Variants in DTWD2 observed in about 807,000 individuals in gnomAD.
DTWD2 encodes DTW motif tRNA-uridine aminocarboxypropyltransferase 2.
DTWD2 carries 39 observed loss-of-function variants against 31.8 expected under a neutral mutation model. That is an observed-to-expected ratio of 1.22 (90% CI 0.95 to 1.60). The LOEUF (loss-of-function observed/expected upper bound fraction) is 1.60, where lower values mean the gene tolerates loss of function less well. Ranked by LOEUF, DTWD2 falls within the 40% of genes most tolerant of loss-of-function variation. DTWD2 has a pLI of 0.00. For synonymous variants in DTWD2, 180 were observed against 142.8 expected (o/e 1.26, Z -1.86); for missense variants, 515 against 381.5 (o/e 1.35, Z -2.92).
chr5:118,984,948 G>A (rs956716867), intron 1 of DTWD2, among the ~76,000 whole-genome samples: 1 of 152,112 alleles, frequency 6.6e-6, no homozygotes, highest in African/African-American at 2.4e-5. Context: ...AAATAAAAAA[G>A]TATAAATTAT....
chr5:118,949,714 T>C (rs963297773), intron 1 of DTWD2, among the ~76,000 whole-genome samples: 1 of 151,984 alleles, frequency 6.6e-6, no homozygotes, highest in Admixed American at 6.6e-5. Context: ...AAGGTAGGAA[T>C]AGAGGTGTCT....
intron 4 of DTWD2, among the ~76,000 whole-genome samples, chr5:118,903,148 A>C (rs1001835336): frequency 6.3e-5 from 6 of 95,234 alleles, no homozygotes; most frequent in African/African-American, 2.7e-4. Flanking sequence ...TAAAATGGTA[A>C]AAAAAAAAAA....
At chr5:118,974,154 A>C in intron 1 of DTWD2, 1 of 1,539,406 alleles carries the variant, frequency 6.5e-7, no homozygotes, top group Admixed American at 1.9e-5. Context: ...TTAAACTAAA[A>C]AAAAAGGCCG....
intron 4 of DTWD2, among the ~76,000 whole-genome samples, chr5:118,911,662 C>T (rs972784005): frequency 6.6e-6 from 1 of 152,132 alleles, no homozygotes; most frequent in Non-Finnish European, 1.5e-5. Flanking sequence ...TATATATATA[C>T]ATGCACACAC....
chr5:118,880,798 T>A (rs1752724046), intron 4 of DTWD2, among the ~76,000 whole-genome samples: 1 of 152,188 alleles, frequency 6.6e-6, no homozygotes, highest in Non-Finnish European at 1.5e-5. Flanking sequence ...ACGGCTAAAC[T>A]TATACATGAA....
chr5:118,958,181 G>A lies in DTWD2; in HGVS notation c.219-13532C>T, dbSNP rs186835971. Among the ~76,000 whole-genome samples the A allele has an allele frequency of 3.3e-3, 499 of 152,128 alleles. 3 individuals are homozygous for A. The highest frequency in any genetic ancestry group is 0.012 in the African/African-American group (482 of 41,492). On this transcript the variant is annotated intron_variant, in intron 1 of 5. Transcript: ENST00000510708. Reference sequence around the variant, plus strand: ...TCAGACAGACCACTGGCGGCCAGGCGCGGTGGCTCACACCTGTAGTCCCAG... The same window carrying A: ...TCAGACAGACCACTGGCGGCCAGGCACGGTGGCTCACACCTGTAGTCCCAG...
chr5:118,968,713 G>A (rs1193751164), intron 1 of DTWD2, among the ~76,000 whole-genome samples: 1 of 152,234 alleles, frequency 6.6e-6, no homozygotes, highest in Non-Finnish European at 1.5e-5. Context: ...GCTCTGGTAT[G>A]CACAGAGACC....
intron 4 of DTWD2, among the ~76,000 whole-genome samples, chr5:118,905,394 G>C (rs546092503): frequency 6.6e-6 from 1 of 152,202 alleles, no homozygotes; most frequent in African/African-American, 2.4e-5. Context: ...GCTGCAGAGC[G>C]TATAACATTC....
At chr5:118,965,223 G>A (rs995889668) in intron 1 of DTWD2, among the ~76,000 whole-genome samples, 63 of 151,962 alleles carry the variant, frequency 4.1e-4, no homozygotes, top group African/African-American at 1.5e-3. Context: ...CATCTGGGAA[G>A]TGAGGAGCAT....
intron 1 of DTWD2, among the ~76,000 whole-genome samples, chr5:118,978,745 C>T (rs1274192337): frequency 6.6e-6 from 1 of 152,116 alleles, no homozygotes; most frequent in East Asian, 1.9e-4. Context: ...GTGGCTCACA[C>T]CTGTAATCCC....
chr5:118,853,073 G>A (rs1243853418), intron 4 of DTWD2, among the ~76,000 whole-genome samples: 1 of 152,150 alleles, frequency 6.6e-6, no homozygotes, highest in African/African-American at 2.4e-5. Flanking sequence ...AGAGGAGAGA[G>A]GAAGTGGGGC....
At chr5:118,916,620 G>A (rs941042975) in intron 4 of DTWD2, among the ~76,000 whole-genome samples, 11 of 147,304 alleles carry the variant, frequency 7.5e-5, no homozygotes, top group Non-Finnish European at 1.3e-4. Context: ...AGTGGCAATC[G>A]CACCATTGCA....
rs536407832 is a variant in DTWD2 at position 118,902,236 on chromosome 5, C to T, written c.597+26301G>A. Among the ~76,000 whole-genome samples, 3 of 151,422 alleles carry T rather than the reference C, an allele frequency of 2.0e-5. No homozygotes were observed. The East Asian group carries it at 5.8e-4, about 29-fold the overall frequency. ...AATATCAATTATCAAATGTTCAAAGCCAAAAAGAAAAAAATAAGTCCTTTC... is the reference window on the plus strand; with the variant it reads ...AATATCAATTATCAAATGTTCAAAGTCAAAAAGAAAAAAATAAGTCCTTTC... On this transcript the variant is annotated intron_variant, in intron 4 of 5. Transcript: ENST00000510708.
chr5:118,980,664 G>C (rs752013131), intron 1 of DTWD2, among the ~76,000 whole-genome samples: 89 of 152,252 alleles, frequency 5.8e-4, no homozygotes, highest in Non-Finnish European at 1.0e-3. Flanking sequence ...AGTAAGTGTT[G>C]GCAGGAATGT....
chr5:118,873,195 T>C (rs967152644), intron 4 of DTWD2, among the ~76,000 whole-genome samples: 1 of 152,212 alleles, frequency 6.6e-6, no homozygotes, highest in Non-Finnish European at 1.5e-5. Flanking sequence ...GGAGTGTCTA[T>C]AGTGGAGCAC....
intron 4 of DTWD2, among the ~76,000 whole-genome samples, chr5:118,922,183 T>C (rs1046478336): frequency 6.6e-6 from 1 of 152,218 alleles, no homozygotes; most frequent in African/African-American, 2.4e-5. Flanking sequence ...GGTCTGGATA[T>C]ATTAGAATTC....
At chr5:118,877,535 C>A (rs1484644761) in intron 4 of DTWD2, among the ~76,000 whole-genome samples, 5 of 151,276 alleles carry the variant, frequency 3.3e-5, no homozygotes, top group Non-Finnish European at 5.9e-5. Context: ...AAGAAACATA[C>A]CTCAAAATAA....
chr5:118,876,662 A>T (rs1752628555), intron 4 of DTWD2, among the ~76,000 whole-genome samples: 1 of 152,088 alleles, frequency 6.6e-6, no homozygotes, highest in Non-Finnish European at 1.5e-5. Flanking sequence ...GGACACATAC[A>T]CCCTCCCAAG....
chr5:118,935,038 G>A (rs1754006755), intron 3 of DTWD2, among the ~76,000 whole-genome samples: 1 of 152,114 alleles, frequency 6.6e-6, no homozygotes, highest in Non-Finnish European at 1.5e-5. Context: ...AGACTAAGGG[G>A]AAGGAGAGAG....
Sources: gnomAD v4.1 joint callset for allele counts (sites outside exome capture counted in the v4.1 genomes callset) on GRCh38, gnomAD v4.1.1 for gene constraint, MANE v1.5 for transcripts, NCBI Gene and HGNC (gene_info 2026-07-23, HGNC 2026-07-21) for gene names.